The following SGIP1 variants were observed in gnomAD, a reference collection of about 807,000 sequenced individuals.
SGIP1 encodes the protein SH3-containing GRB2-like protein 3-interacting protein 1.
Under a neutral mutation model 107.5 loss-of-function variants are expected in SGIP1, and 38 were observed. That is an observed-to-expected ratio of 0.35 (90% CI 0.27 to 0.46). The LOEUF (loss-of-function observed/expected upper bound fraction) is 0.46. Ranked by LOEUF, SGIP1 falls within the 20% of genes least tolerant of loss-of-function variation. The pLI is 1.00. For missense variants in SGIP1, 929 were observed against 1,019.5 expected (o/e 0.91, Z 1.21); for synonymous variants, 365 against 366.1 (o/e 1.00, Z 0.03).
chr1:66,632,425 A>G (rs1167168556), intron 2 of SGIP1, among the ~76,000 whole-genome samples: 3 of 152,220 alleles, frequency 2.0e-5, no homozygotes, highest in African/African-American at 4.8e-5. Flanking sequence ...AATAAAGTTG[A>G]AAAATACCAC....
chr1:66,719,225 C>T (rs541458697), intron 18 of SGIP1, 69 bp from the exon 19 acceptor site: 48 of 1,018,002 alleles, frequency 4.7e-5, no homozygotes, highest in South Asian at 9.7e-5. Context: ...CTTTAATGGG[C>T]TTTTAATTTC....
chr1:66,547,051 TGTA>T (rs67230127), intron 1 of SGIP1, among the ~76,000 whole-genome samples: 25,618 of 152,118 alleles, frequency 0.17, 2,400 homozygotes, highest in East Asian at 0.37. Flanking sequence ...GTAAATATAA[TGTA>T]GTATTACAGC....
At chr1:66,553,351 T>G (rs939604805) in intron 1 of SGIP1, among the ~76,000 whole-genome samples, 2 of 152,134 alleles carry the variant, frequency 1.3e-5, no homozygotes, top group Non-Finnish European at 2.9e-5. Context: ...GATGGCATTT[T>G]TTTTTTCATT....
chr1:66,661,505 A>G (rs1267328307), intron 8 of SGIP1, among the ~76,000 whole-genome samples: 1 of 152,246 alleles, frequency 6.6e-6, no homozygotes, highest in Non-Finnish European at 1.5e-5. Flanking sequence ...AGACCAAAAC[A>G]TTAAAATGTC....
At chr1:66,642,963 C>T (rs983709466) in intron 6 of SGIP1, 99 bp downstream of exon 6, 2 of 1,035,616 alleles carry the variant, frequency 1.9e-6, no homozygotes, top group African/African-American at 1.6e-5. Flanking sequence ...ACCGAATCTT[C>T]ACAAGTCCTG....
intron 19 of SGIP1, among the ~76,000 whole-genome samples, chr1:66,725,246 T>C (rs2093702034): frequency 6.6e-6 from 1 of 152,168 alleles, no homozygotes; most frequent in Non-Finnish European, 1.5e-5. Flanking sequence ...GCTCCCAATC[T>C]CTGCCCCAAA....
intron 12 of SGIP1, among the ~76,000 whole-genome samples, chr1:66,674,409 T>C (rs896815794): frequency 6.6e-6 from 1 of 152,172 alleles, no homozygotes; most frequent in South Asian, 2.1e-4. Context: ...CCAATAGCTA[T>C]GTTTGGTAAT....
chr1:66,639,549 T>C (rs1222341735), intron 4 of SGIP1, among the ~76,000 whole-genome samples: 1 of 152,236 alleles, frequency 6.6e-6, no homozygotes, highest in East Asian at 1.9e-4. Flanking sequence ...CTCAGTATCC[T>C]ACAATCTTTT....
At chr1:66,646,475 G>T (rs1382289732) in intron 7 of SGIP1, among the ~76,000 whole-genome samples, 1 of 152,052 alleles carries the variant, frequency 6.6e-6, no homozygotes, top group African/African-American at 2.4e-5. Context: ...TCTGATTTAT[G>T]TTTCTTTTGA....
At chr1:66,598,371 T>C (rs773133333) in intron 1 of SGIP1, among the ~76,000 whole-genome samples, 2 of 152,220 alleles carry the variant, frequency 1.3e-5, no homozygotes, top group African/African-American at 4.8e-5. Context: ...ATTTAAATTT[T>C]AGCTTTGGAA....
intron 17 of SGIP1, chr1:66,694,792 G>T: frequency 3.0e-6 from 1 of 337,190 alleles, no homozygotes; most frequent in Non-Finnish European, 5.3e-6. Flanking sequence ...TAATTTAACT[G>T]CTCAGAATTA....
At chr1:66,720,616 C>T (rs562435784) in intron 19 of SGIP1, among the ~76,000 whole-genome samples, 25 of 152,048 alleles carry the variant, frequency 1.6e-4, no homozygotes, top group Admixed American at 3.9e-4. Flanking sequence ...GTCCCAGCTA[C>T]TTAGGAAGTT....
rs141906722 is a variant in SGIP1, at chr1:66,601,929, T to G, written c.11-23918T>G. Among the ~76,000 whole-genome samples, 5 of 152,340 alleles carry G rather than the reference T, an allele frequency of 3.3e-5. No homozygotes were observed. The East Asian group carries it at 9.6e-4, about 29-fold the overall frequency. On this transcript the variant is annotated intron_variant, in intron 1 of 24. Transcript: ENST00000371037. Reference sequence around the variant, plus strand: ...CAGAAAGCTTTTCCTAATTACAGATTAGTAAAGCAATATCTCTAAATTAGT... The same window carrying G: ...CAGAAAGCTTTTCCTAATTACAGATGAGTAAAGCAATATCTCTAAATTAGT...
Position 66,749,361 on chromosome 1 carries a change from C to T in SGIP1, c.*6266C>T, listed in dbSNP as rs2094594387. ...CTTGTCAGAAATTATATTAAAAACA[C>T]TTTGGGGAAAGCTAAGAGCAGTGCA... On this transcript the variant is annotated 3_prime_UTR_variant, in exon 25 of 25. Transcript: ENST00000371037. Among the ~76,000 whole-genome samples, 1 of 151,662 alleles carries T rather than the reference C, an allele frequency of 6.6e-6. No homozygotes were observed. The highest frequency in any genetic ancestry group is 2.1e-4 in the South Asian group (1 of 4,828).
chr1:66,700,846 G>A (rs912918906), intron 18 of SGIP1, among the ~76,000 whole-genome samples: 22 of 151,776 alleles, frequency 1.4e-4, no homozygotes, highest in African/African-American at 5.3e-4. Flanking sequence ...CTGTCCTCAC[G>A]TTCTTCCTGT....
chr1:66,609,388 A>G (rs1221512822), intron 1 of SGIP1, among the ~76,000 whole-genome samples: 1 of 152,164 alleles, frequency 6.6e-6, no homozygotes, highest in East Asian at 1.9e-4. Context: ...AAAGTCATCC[A>G]AAGAGAGAGT....
At chr1:66,666,948 G>A (rs901203622) in intron 8 of SGIP1, 1 of 152,224 alleles carries the variant, frequency 6.6e-6, no homozygotes, top group African/African-American at 2.4e-5. Flanking sequence ...GCATCACATT[G>A]GTAGAGGCTG....
chr1:66,635,807 G>T, intron 3 of SGIP1, 137 bp from the exon 4 acceptor site: 2 of 813,224 alleles, frequency 2.5e-6, no homozygotes, highest in Non-Finnish European at 2.0e-6. Context: ...TGCCAAGATT[G>T]GTAGGCCGTA....
intron 5 of SGIP1, among the ~76,000 whole-genome samples, 183 bp from the exon 6 acceptor site, chr1:66,642,627 C>T (rs959137970): frequency 1.3e-5 from 2 of 152,152 alleles, no homozygotes; most frequent in Non-Finnish European, 2.9e-5. Flanking sequence ...AGTAGGAGGA[C>T]TCTCCAAGTA....
Sources: allele counts gnomAD v4.1 joint callset (sites outside exome capture counted in the v4.1 genomes callset), GRCh38; gene constraint gnomAD v4.1.1; transcripts MANE v1.5; gene names NCBI Gene and HGNC (gene_info 2026-07-23, HGNC 2026-07-21).